HSD17B12: variants seen among roughly 807,000 people sequenced by gnomAD.
The protein encoded by HSD17B12 is very-long-chain 3-oxoacyl-CoA reductase.
Under a neutral mutation model 39.3 loss-of-function variants are expected in HSD17B12, and 32 were observed. The ratio of observed to expected loss-of-function variants is 0.81; its 90% confidence interval spans 0.61 to 1.09. The LOEUF is 1.09. HSD17B12 is among the 50% of genes least tolerant of loss of function. The pLI is 0.00. For missense variants in HSD17B12, 342 were observed against 382.9 expected, an observed-to-expected ratio of 0.89 and a Z score of 0.89; for synonymous variants, 150 against 146.7, an observed-to-expected ratio of 1.02 and a Z score of -0.16.
the HSD17B12 span, among the ~76,000 whole-genome samples, chr11:43,624,039 T>C: frequency 1.3e-5 from 2 of 150,160 alleles, no homozygotes; most frequent in East Asian, 3.8e-4. Context: ...TTGAAGCAAT[T>C]ATTCAGATAA....
chr11:43,576,369 T>C, the HSD17B12 span, among the ~76,000 whole-genome samples: 1 of 152,138 alleles, frequency 6.6e-6, no homozygotes, highest in Admixed American at 6.5e-5. Flanking sequence ...TGTGGAGGTT[T>C]TTTCAGTACT....
the HSD17B12 span, among the ~76,000 whole-genome samples, chr11:43,615,098 G>A: frequency 1.3e-5 from 2 of 152,046 alleles, no homozygotes; most frequent in African/African-American, 4.8e-5. Flanking sequence ...AGAGCGTTGA[G>A]TTTTATTCTG....
chr11:43,708,942 T>G (rs981785181), intron 1 of HSD17B12, among the ~76,000 whole-genome samples: 9 of 152,188 alleles, frequency 5.9e-5, no homozygotes, highest in Admixed American at 2.6e-4. Flanking sequence ...CCAAATGAGA[T>G]TTCACCTTTT....
chr11:43,653,442 G>A, the HSD17B12 span, among the ~76,000 whole-genome samples: 6 of 152,014 alleles, frequency 3.9e-5, no homozygotes, highest in African/African-American at 1.2e-4. Flanking sequence ...GGGTACATGT[G>A]CACAACTTGC....
chr11:43,726,170 A>G (rs1418332974), intron 1 of HSD17B12, among the ~76,000 whole-genome samples: 1 of 152,206 alleles, frequency 6.6e-6, no homozygotes, highest in Non-Finnish European at 1.5e-5. Flanking sequence ...TGGTATTCAT[A>G]TCCTAATCTC....
At chr11:43,753,985 G>A in intron 2 of HSD17B12, 61 bp from the exon 3 acceptor site, 1 of 1,066,736 alleles carries the variant, frequency 9.4e-7, no homozygotes, top group Non-Finnish European at 1.4e-6. Flanking sequence ...GGGGGTTATA[G>A]CTCATTAATG....
chr11:43,571,920 A>G, the HSD17B12 span, among the ~76,000 whole-genome samples: 40 of 152,312 alleles, frequency 2.6e-4, 1 homozygote, highest in East Asian at 7.3e-3. Flanking sequence ...GCTGTGGCCT[A>G]TCTACCCCCA....
At chr11:43,574,110 G>A in the HSD17B12 span, among the ~76,000 whole-genome samples, 13 of 152,216 alleles carry the variant, frequency 8.5e-5, no homozygotes, top group African/African-American at 2.7e-4. Flanking sequence ...CACAGCAGAC[G>A]TCCTCTGTCT....
At chr11:43,704,226 T>C (rs1220962484) in intron 1 of HSD17B12, among the ~76,000 whole-genome samples, 4 of 152,228 alleles carry the variant, frequency 2.6e-5, no homozygotes, top group Admixed American at 6.5e-5. Context: ...TTCCAGGAGA[T>C]AATTTTAAAA....
chr11:43,727,155 C>A (rs1356427295), intron 1 of HSD17B12, among the ~76,000 whole-genome samples: 1 of 152,196 alleles, frequency 6.6e-6, no homozygotes, highest in African/African-American at 2.4e-5. Flanking sequence ...GTAGAAAGAA[C>A]TGAGGCATCA....
intron 1 of HSD17B12, among the ~76,000 whole-genome samples, chr11:43,689,329 C>G (rs1949831492): frequency 6.6e-6 from 1 of 152,122 alleles, no homozygotes; most frequent in Non-Finnish European, 1.5e-5. Flanking sequence ...ACTCTTGTCT[C>G]TCTAATAACA....
intron 4 of HSD17B12, among the ~76,000 whole-genome samples, chr11:43,807,209 G>A (rs11037654): frequency 0.22 from 33,764 of 152,090 alleles, 3,989 homozygotes; most frequent in Middle Eastern, 0.37. Flanking sequence ...TTTTCTGGAA[G>A]ATAGCCATCG....
chr11:43,616,410 AAAAAAAACAAAAAAC>A, the HSD17B12 span, among the ~76,000 whole-genome samples: 46 of 132,936 alleles, frequency 3.5e-4, 4 homozygotes, highest in African/African-American at 1.2e-3. Flanking sequence ...CTCCATCTAA[AAAAAAAACAAAAAAC>A]AAAAAAAAAA....
intron 3 of HSD17B12, among the ~76,000 whole-genome samples, chr11:43,769,716 C>T (rs72892465): frequency 0.042 from 6,350 of 152,282 alleles, 152 homozygotes; most frequent in South Asian, 0.066. Flanking sequence ...GCTGTCACTA[C>T]CCATTTCTAG....
the HSD17B12 span, among the ~76,000 whole-genome samples, chr11:43,561,727 A>G: frequency 1.3e-5 from 2 of 152,150 alleles, no homozygotes; most frequent in Non-Finnish European, 2.9e-5. Context: ...GGCTACTGAC[A>G]GTACCTAGAA....
intron 1 of HSD17B12, among the ~76,000 whole-genome samples, chr11:43,685,977 A>G (rs1949794360): frequency 6.6e-6 from 1 of 152,256 alleles, no homozygotes; most frequent in Non-Finnish European, 1.5e-5. Context: ...ATTTGCAACC[A>G]TAAATCTTGT....
chr11:43,651,305 T>C, the HSD17B12 span, among the ~76,000 whole-genome samples: 2 of 152,200 alleles, frequency 1.3e-5, no homozygotes, highest in Non-Finnish European at 2.9e-5. Flanking sequence ...CATCATACTT[T>C]CTGTGCTGGA....
chr11:43,829,802 A>C (rs775059634), intron 6 of HSD17B12: 5 of 152,150 alleles, frequency 3.3e-5, no homozygotes, highest in Non-Finnish European at 4.4e-5. Flanking sequence ...TTCCCTTCAC[A>C]AAATGCTGGG....
chr11:43,690,812 T>G (rs1176090342), intron 1 of HSD17B12, among the ~76,000 whole-genome samples: 1 of 152,044 alleles, frequency 6.6e-6, no homozygotes, highest in African/African-American at 2.4e-5. Flanking sequence ...TCTGTAAAAT[T>G]GGGATAATTA....
Sources: gnomAD v4.1 joint callset for allele counts (sites outside exome capture counted in the v4.1 genomes callset) on GRCh38, gnomAD v4.1.1 for gene constraint, MANE v1.5 for transcripts, NCBI Gene and HGNC (gene_info 2026-07-23, HGNC 2026-07-21) for gene names.